MARCHF1: variants seen among roughly 807,000 people sequenced by gnomAD.
The protein encoded by MARCHF1 is membrane associated ring-CH-type finger 1.
In MARCHF1, 40 loss-of-function variants were observed where a neutral mutation model predicts 54.2. The ratio of observed to expected loss-of-function variants is 0.74; its 90% CI spans 0.57 to 0.96. The LOEUF is 0.96. Among genes scored for constraint, MARCHF1 ranks in the 40% least tolerant of loss-of-function variants. The pLI is 0.00. For synonymous variants in MARCHF1, 236 were observed against 236.3 expected (o/e 1.00, Z 0.01); for missense variants, 586 against 656.5 (o/e 0.89, Z 1.17).
At chr4:163,814,537 T>G (rs1748482399) in intron 4 of MARCHF1, among the ~76,000 whole-genome samples, 2 of 152,062 alleles carry the variant, frequency 1.3e-5, no homozygotes, top group African/African-American at 4.8e-5. Context: ...TGAGCCGAGA[T>G]CAAGCCATTG....
intron 9 of MARCHF1, chr4:163,529,983 C>A (rs1738291889): frequency 6.6e-6 from 1 of 151,920 alleles, no homozygotes; most frequent in South Asian, 2.1e-4. Context: ...TACAGTGCAC[C>A]AGGAAGGGAT....
In MARCHF1 at chr4:164,185,112, T is replaced by C. The variant is rs1260817550; in HGVS notation, c.-322-73450A>G. Among the ~76,000 whole-genome samples, 7 of 152,330 alleles carry C rather than the reference T, an allele frequency of 4.6e-5. No homozygotes were observed. The South Asian group carries it at 1.5e-3, about 32-fold the overall frequency. On this transcript the variant is annotated intron_variant, in intron 1 of 9. Coordinates refer to ENST00000514618, the MANE Select transcript of MARCHF1 (RefSeq NM_001394959.1). ...TCTAGACAAACTCATTTTATTTTCC[T>C]CACAAAATTCTTTAAGAATTATATT...
intron 1 of MARCHF1, among the ~76,000 whole-genome samples, chr4:164,250,500 A>C (rs1256547925): frequency 1.3e-5 from 2 of 152,088 alleles, no homozygotes; most frequent in Non-Finnish European, 2.9e-5. Flanking sequence ...GGGTGATATA[A>C]CTAGGGGAAA....
At chr4:164,133,037 A>G (rs766085015) in intron 1 of MARCHF1, among the ~76,000 whole-genome samples, 45 of 152,184 alleles carry the variant, frequency 3.0e-4, no homozygotes, top group Non-Finnish European at 5.3e-4. Context: ...AGTATCCCAG[A>G]CACAATTTGT....
At chr4:163,866,688 C>T (rs1252867113) in intron 3 of MARCHF1, among the ~76,000 whole-genome samples, 2 of 151,594 alleles carry the variant, frequency 1.3e-5, no homozygotes, top group Non-Finnish European at 3.0e-5. Flanking sequence ...TGGCCATACT[C>T]ACTTCTAACC....
At chr4:163,588,886 T>G (rs1740494088) in intron 7 of MARCHF1, among the ~76,000 whole-genome samples, 1 of 152,088 alleles carries the variant, frequency 6.6e-6, no homozygotes, top group South Asian at 2.1e-4. Flanking sequence ...GATTCTGAGT[T>G]AAAGACAATG....
chr4:164,034,709 C>G (rs1039266588), intron 2 of MARCHF1, among the ~76,000 whole-genome samples: 8 of 151,956 alleles, frequency 5.3e-5, no homozygotes, highest in Admixed American at 2.6e-4. Flanking sequence ...TAGTAAATAT[C>G]ATGTAATACA....
chr4:164,058,696 C>A (rs915868190), intron 2 of MARCHF1, among the ~76,000 whole-genome samples: 2 of 152,192 alleles, frequency 1.3e-5, no homozygotes, highest in African/African-American at 4.8e-5. Flanking sequence ...GACCCAGCAA[C>A]TGACCCAGCA....
intron 4 of MARCHF1, among the ~76,000 whole-genome samples, chr4:163,796,613 T>A (rs1221860910): frequency 6.6e-6 from 1 of 152,174 alleles, no homozygotes; most frequent in African/African-American, 2.4e-5. Context: ...CAGTCTGATA[T>A]TTTTTCTCTT....
intron 4 of MARCHF1, among the ~76,000 whole-genome samples, chr4:163,742,938 C>A (rs983495411): frequency 1.5e-5 from 2 of 129,550 alleles, no homozygotes; most frequent in African/African-American, 2.6e-5. Context: ...GGAATAATTT[C>A]TTCATATTAT....
chr4:163,567,421 G>A (rs563189842), intron 8 of MARCHF1, among the ~76,000 whole-genome samples: 8 of 152,068 alleles, frequency 5.3e-5, no homozygotes, highest in African/African-American at 1.4e-4. Flanking sequence ...GCAGAATTTC[G>A]TGCCCCACCT....
chr4:164,338,213 A>G (rs113864606), intron 1 of MARCHF1, among the ~76,000 whole-genome samples: 9 of 152,340 alleles, frequency 5.9e-5, no homozygotes, highest in African/African-American at 1.7e-4. Flanking sequence ...ATAGACTATT[A>G]TAATGATAAA....
intron 1 of MARCHF1, among the ~76,000 whole-genome samples, chr4:164,285,884 A>G (rs1002395579): frequency 7.3e-5 from 11 of 151,088 alleles, no homozygotes; most frequent in African/African-American, 1.2e-4. Context: ...AAAATTAATG[A>G]TAACTAATGC....
At chr4:163,997,431 T>A (rs1214851032) in intron 2 of MARCHF1, among the ~76,000 whole-genome samples, 1 of 152,054 alleles carries the variant, frequency 6.6e-6, no homozygotes, top group African/African-American at 2.4e-5. Context: ...TATGACAATT[T>A]GAGCTCTGTA....
At chr4:163,860,989 A>G (rs575942438) in intron 3 of MARCHF1, among the ~76,000 whole-genome samples, 1 of 152,336 alleles carries the variant, frequency 6.6e-6, no homozygotes, top group East Asian at 1.9e-4. Context: ...CTGGAACCAA[A>G]TCAAATATGA....
intron 4 of MARCHF1, among the ~76,000 whole-genome samples, chr4:163,822,166 A>G (rs1748710652): frequency 6.6e-6 from 1 of 151,882 alleles, no homozygotes; most frequent in Admixed American, 6.6e-5. Flanking sequence ...ACCTAAAGGG[A>G]GCTGTAAGAA....
chr4:164,094,180 G>T (rs1004603315), intron 2 of MARCHF1, among the ~76,000 whole-genome samples: 1 of 152,092 alleles, frequency 6.6e-6, no homozygotes, highest in African/African-American at 2.4e-5. Context: ...AATAAAAAGG[G>T]CTGAACTGTA....
rs765020147 is a variant in MARCHF1 at position 163,598,614 on chromosome 4, GA to G, written c.1011-12686del. 7.2e-5 allele frequency among the ~76,000 whole-genome samples: 11 copies of G among 152,298 alleles called. No individual in the cohort carries two copies. The East Asian group carries it at 1.7e-3, about 24-fold the overall frequency. ...ATAAGTATTTGAGCAACTAAACATA[GA>G]AAAGGTACAGTAATGATATGTCTAA... On this transcript the variant is annotated intron_variant, in intron 7 of 9. Coordinates refer to ENST00000514618, the MANE Select transcript of MARCHF1 (RefSeq NM_001394959.1).
chr4:163,923,862 TTTCA>T (rs1168602601), intron 3 of MARCHF1, among the ~76,000 whole-genome samples: 1 of 151,910 alleles, frequency 6.6e-6, no homozygotes, highest in African/African-American at 2.4e-5. Context: ...GGAAGTTACT[TTTCA>T]GTCATTTTGT....
Sources: gnomAD v4.1 joint callset for allele counts (sites outside exome capture counted in the v4.1 genomes callset) on GRCh38, gnomAD v4.1.1 for gene constraint, MANE v1.5 for transcripts, NCBI Gene and HGNC (gene_info 2026-07-23, HGNC 2026-07-21) for gene names.